Variants in TXNDC8 observed in about 807,000 individuals in gnomAD.
The protein encoded by TXNDC8 is thioredoxin domain containing 8.
TXNDC8 carries 15 observed loss-of-function variants against 12.9 expected under a neutral mutation model. The observed-to-expected ratio is 1.16, with a 90% CI of 0.78 to 1.79. The LOEUF (loss-of-function observed/expected upper bound fraction) is 1.79, where lower values mean the gene tolerates loss of function less well. TXNDC8 is among the 40% of genes most tolerant of loss of function. TXNDC8 has a pLI of 0.00. For synonymous variants in TXNDC8, 40 were observed against 35.4 expected (o/e 1.13, Z -0.46); for missense variants, 128 against 113.2 (o/e 1.13, Z -0.59).
chr9:110,318,613 C>T (rs1838974559), intron 3 of TXNDC8, among the ~76,000 whole-genome samples: 1 of 152,130 alleles, frequency 6.6e-6, no homozygotes, highest in African/African-American at 2.4e-5. Context: ...TGGCTGGCAC[C>T]TGTAGTCCCA....
At position 110,303,515 on chromosome 9, in the gene TXNDC8, A is replaced by T; in HGVS notation, c.*167T>A. ...GTCACAAGTGTATTTTGCCTTGGAG[A>T]TCAGCTTACATTAATTCTTGAGTCT... On this transcript the variant is annotated 3_prime_UTR_variant, in exon 5 of 5. Coordinates refer to ENST00000423740, the MANE Select transcript of TXNDC8 (RefSeq NM_001286946.2). 1 of 1,524,866 alleles carries T rather than the reference A, an allele frequency of 6.6e-7. No homozygotes were observed. The highest frequency in any genetic ancestry group is 8.9e-7 in the Non-Finnish European group (1 of 1,129,464). The allele number at this position is 1,524,866 out of a possible 1,614,324, so 94.5% of individuals were successfully genotyped here. A position where few individuals can be genotyped will look rare whatever the true frequency, so the allele number is the denominator to read the frequency against.
chr9:110,334,519 C>G (rs1839674016), intron 1 of TXNDC8, among the ~76,000 whole-genome samples, 199 bp from the exon 2 acceptor site: 1 of 152,194 alleles, frequency 6.6e-6, no homozygotes, highest in South Asian at 2.1e-4. Context: ...GCTGGGATTA[C>G]AGGTGTGAGC....
chr9:110,325,679 C>G (rs886141245), intron 3 of TXNDC8, among the ~76,000 whole-genome samples: 1 of 152,052 alleles, frequency 6.6e-6, no homozygotes, highest in East Asian at 1.9e-4. Flanking sequence ...CGCCACCACG[C>G]CTGGCTAATT....
Position 110,334,318 on chromosome 9 carries a change from A to T in TXNDC8, c.27T>A (p.Asn9Lys), listed in dbSNP as rs757652250. The T allele has an allele frequency of 6.2e-7, 1 of 1,611,294 alleles. No homozygotes were observed. Reference sequence around the variant, plus strand: ...CAGCTGTCAAAAATGTTTTAAATTCATTCTGAAAACAGAAAATAAATGAGG... The same window carrying T: ...CAGCTGTCAAAAATGTTTTAAATTCTTTCTGAAAACAGAAAATAAATGAGG... Residue 9 changes from asparagine to lysine, a missense_variant and splice_region_variant, in exon 2 of 5, where the codon AAT becomes AAA. Physicochemically the swap from Asn to Lys is moderately conservative, Grantham distance 94 (BLOSUM62 0). Coordinates refer to ENST00000423740, the MANE Select transcript of TXNDC8 (RefSeq NM_001286946.2).
intron 3 of TXNDC8, among the ~76,000 whole-genome samples, chr9:110,308,970 C>T (rs1305648289): frequency 1.3e-5 from 2 of 152,136 alleles, no homozygotes; most frequent in African/African-American, 4.8e-5. Flanking sequence ...TTGACCTTAG[C>T]GTGTGTAATG....
At chr9:110,328,941 G>A (rs1268251972) in intron 2 of TXNDC8, among the ~76,000 whole-genome samples, 2 of 152,202 alleles carry the variant, frequency 1.3e-5, no homozygotes, top group East Asian at 1.9e-4. Context: ...GAGGCAGAAC[G>A]CAGAGCAAGT....
chr9:110,322,694 T>C, intron 3 of TXNDC8: 1 of 985,426 alleles, frequency 1.0e-6, no homozygotes, highest in Non-Finnish European at 1.2e-6. Context: ...GCAGCAGGAA[T>C]AAAACCAGAA....
rs188026530 is a variant in TXNDC8 at position 110,309,162 on chromosome 9, T to C, written c.196-4630A>G. On this transcript the variant is annotated intron_variant, in intron 3 of 4. Transcript: ENST00000423740. The stretch of plus-strand genomic sequence containing the variant: ...AATTAATCTTGATTTGGCTTGTCTG[T>C]GTATATTTGCATAAGAGACTGAATT... Among the ~76,000 whole-genome samples the C allele has an allele frequency of 1.0e-4, 15 of 149,526 alleles. No homozygotes were observed. In the East Asian group the frequency reaches 2.0e-3, roughly 20 times the overall value.
At chr9:110,307,810 G>A (rs181006847) in intron 3 of TXNDC8, among the ~76,000 whole-genome samples, 4 of 152,186 alleles carry the variant, frequency 2.6e-5, no homozygotes, top group Middle Eastern at 3.4e-3. Context: ...CTGCCTTTCC[G>A]GACCAAACCA....
chr9:110,332,013 C>A (rs1402922601), intron 2 of TXNDC8, among the ~76,000 whole-genome samples: 1 of 152,158 alleles, frequency 6.6e-6, no homozygotes, highest in Non-Finnish European at 1.5e-5. Context: ...GGAATGTCTT[C>A]TTTTGCAAAA....
chr9:110,304,536 A>G lies in TXNDC8; in HGVS notation c.196-4T>C. 2 of 1,604,476 alleles carry G rather than the reference A, an allele frequency of 1.2e-6. No homozygotes were observed. The highest frequency in any genetic ancestry group is 1.7e-6 in the Non-Finnish European group (2 of 1,173,894). ...TGATTCTTGAGAATAGGGTTACCTA[A>G]GTGTGGGTGCAGAATTTCATAATTT... On this transcript the variant is annotated splice_region_variant and splice_polypyrimidine_tract_variant and intron_variant, in intron 3 of 4. Coordinates refer to ENST00000423740, the MANE Select transcript of TXNDC8 (RefSeq NM_001286946.2).
intron 1 of TXNDC8, among the ~76,000 whole-genome samples, chr9:110,334,663 G>C (rs1179861275): frequency 6.6e-6 from 1 of 152,192 alleles, no homozygotes; most frequent in Non-Finnish European, 1.5e-5. Context: ...AATCATGGAA[G>C]TCTATGCACC....
At chr9:110,321,629 T>C (rs1171195083) in intron 3 of TXNDC8, among the ~76,000 whole-genome samples, 1 of 151,996 alleles carries the variant, frequency 6.6e-6, no homozygotes, top group Non-Finnish European at 1.5e-5. Flanking sequence ...GAGGAGCACA[T>C]TTATGGAGGT....
At position 110,305,570 on chromosome 9, in the gene TXNDC8, CTTTCTTTCTTTCTTTCTT is replaced by C. The variant is rs200340873; in HGVS notation, c.196-1056_196-1039del. 1.2e-3 allele frequency among the ~76,000 whole-genome samples: 161 copies of C among 137,576 alleles called. 1 individual carries two copies. In the East Asian group the frequency reaches 0.016, roughly 14 times the overall value. 90.3% of individuals were successfully genotyped at this position (137,576 alleles called of 152,430 possible). On this transcript the variant is annotated intron_variant, in intron 3 of 4. Transcript: ENST00000423740. ...TTTTTCTTTCTTTCTTTCTTTCTTT[CTTTCTTTCTTTCTTTCTT>C]TCTTTCTTTCTTTCTTTCTTTCTTT...
At chr9:110,302,048 G>A (rs1235408931), downstream of TXNDC8, among the ~76,000 whole-genome samples, 1 of 151,840 alleles carries the variant, frequency 6.6e-6, no homozygotes, top group Admixed American at 6.6e-5. Flanking sequence ...GGAGTGCAGT[G>A]GCATGATCTC....
intron 3 of TXNDC8, among the ~76,000 whole-genome samples, chr9:110,316,187 A>AT (rs1156954482): frequency 6.6e-6 from 1 of 151,998 alleles, no homozygotes; most frequent in Non-Finnish European, 1.5e-5. Flanking sequence ...AAGTGCTGAG[A>AT]TTACAGGTGT....
At chr9:110,312,674 A>G (rs1587959437) in intron 3 of TXNDC8, among the ~76,000 whole-genome samples, 1 of 152,226 alleles carries the variant, frequency 6.6e-6, no homozygotes, top group Admixed American at 6.5e-5. Context: ...CTATGTAAAA[A>G]AAATTATTCT....
chr9:110,331,102 T>C (rs1159160016), intron 2 of TXNDC8, among the ~76,000 whole-genome samples: 1 of 152,234 alleles, frequency 6.6e-6, no homozygotes, highest in Non-Finnish European at 1.5e-5. Context: ...TTGCCTCCCT[T>C]GCAGCTAGAG....
chr9:110,304,394 A>G, intron 4 of TXNDC8, 73 bp downstream of exon 5: 1 of 1,364,022 alleles, frequency 7.3e-7, no homozygotes, highest in Non-Finnish European at 1.0e-6. Flanking sequence ...ATTCTGCCTG[A>G]GTGTGTCATT....
Sources: allele counts gnomAD v4.1 joint callset (sites outside exome capture counted in the v4.1 genomes callset), GRCh38; gene constraint gnomAD v4.1.1; transcripts MANE v1.5; gene names NCBI Gene and HGNC (gene_info 2026-07-23, HGNC 2026-07-21).